RBFOX1: variants seen among roughly 807,000 people sequenced by gnomAD.
RBFOX1 encodes RNA binding fox-1 homolog 1.
Under a neutral mutation model 57.7 loss-of-function variants are expected in RBFOX1, and 8 were observed. The observed-to-expected ratio is 0.14, with a 90% CI of 0.08 to 0.25. The LOEUF is 0.25. Among genes scored for constraint, RBFOX1 ranks in the 10% least tolerant of loss-of-function variants. The pLI, the probability that RBFOX1 is intolerant of heterozygous loss-of-function variation, is 1.00. For synonymous variants in RBFOX1, 326 were observed against 222.4 expected (o/e 1.47, Z -4.15); for missense variants, 611 against 548.5 (o/e 1.11, Z -1.14).
intron 1 of RBFOX1, among the ~76,000 whole-genome samples, chr16:5,251,537 AT>A (rs2151078916): frequency 6.6e-6 from 1 of 152,332 alleles, no homozygotes; most frequent in African/African-American, 2.4e-5. Flanking sequence ...GACTGGGGCA[AT>A]GGCAGCAGAA....
chr16:5,284,724 C>T (rs1185856559), intron 1 of RBFOX1, among the ~76,000 whole-genome samples: 1 of 129,278 alleles, frequency 7.7e-6, no homozygotes, highest in Non-Finnish European at 1.6e-5. Context: ...TTTTGAAGGA[C>T]AGCTTTGCTG....
chr16:6,481,227 C>G (rs770988661), intron 2 of RBFOX1, among the ~76,000 whole-genome samples: 1 of 152,178 alleles, frequency 6.6e-6, no homozygotes, highest in Admixed American at 6.5e-5. Context: ...AGAAAACAAC[C>G]TTCTCTCTGT....
chr16:5,400,359 C>G (rs2066680718), intron 1 of RBFOX1, among the ~76,000 whole-genome samples: 2 of 152,126 alleles, frequency 1.3e-5, no homozygotes, highest in Admixed American at 6.5e-5. Flanking sequence ...TCCCAAAGTG[C>G]TGGGGTTACA....
At chr16:5,438,479 A>G (rs1427574609) in intron 1 of RBFOX1, among the ~76,000 whole-genome samples, 1 of 152,160 alleles carries the variant, frequency 6.6e-6, no homozygotes, top group Non-Finnish European at 1.5e-5. Flanking sequence ...TTGAGCCTGA[A>G]AGGGCCCAGC....
chr16:6,881,970 G>A (rs2063030268), intron 3 of RBFOX1, among the ~76,000 whole-genome samples: 4 of 152,130 alleles, frequency 2.6e-5, no homozygotes, highest in Non-Finnish European at 5.9e-5. Context: ...ACTTGGTTAT[G>A]GGTTAGACAT....
chr16:7,523,487 A>G (rs1178947878), intron 5 of RBFOX1, among the ~76,000 whole-genome samples: 1 of 152,214 alleles, frequency 6.6e-6, no homozygotes. Flanking sequence ...TCTGCCTTAG[A>G]TAATTCCTAG....
At chr16:7,674,237 T>A (rs966172174) in intron 13 of RBFOX1, among the ~76,000 whole-genome samples, 17 of 152,180 alleles carry the variant, frequency 1.1e-4, no homozygotes, top group African/African-American at 4.1e-4. Context: ...TTTTCCCTAA[T>A]TATTACATGT....
At chr16:5,922,036 T>C (rs1256539059) in intron 4 of RBFOX1, among the ~76,000 whole-genome samples, 6 of 151,866 alleles carry the variant, frequency 4.0e-5, no homozygotes, top group Non-Finnish European at 8.8e-5. Flanking sequence ...TGATGTACTC[T>C]TGTGGTCTCA....
chr16:7,605,075 C>T (rs934273181), intron 9 of RBFOX1, among the ~76,000 whole-genome samples: 2 of 152,080 alleles, frequency 1.3e-5, no homozygotes, highest in African/African-American at 2.4e-5. Flanking sequence ...ATGTCTGCAG[C>T]TTTATTTTCA....
At chr16:7,564,539 TCAAAAAAAAAAAAAAA>T in intron 5 of RBFOX1, among the ~76,000 whole-genome samples, 2 of 13,388 alleles carry the variant, frequency 1.5e-4, no homozygotes, top group Admixed American at 1.1e-3. Context: ...AGACTCCATC[TCAAAAAAAAAAAAAAA>T]AAAAAAAAAA....
intron 1 of RBFOX1, among the ~76,000 whole-genome samples, chr16:5,402,453 A>T (rs186896800): frequency 6.6e-6 from 1 of 152,130 alleles, no homozygotes; most frequent in Non-Finnish European, 1.5e-5. Flanking sequence ...CCCATTTTCT[A>T]TTCTTCCCTG....
intron 2 of RBFOX1, among the ~76,000 whole-genome samples, chr16:6,392,884 C>T (rs7195826): frequency 0.44 from 67,107 of 152,086 alleles, 15,559 homozygotes; most frequent in South Asian, 0.68. Flanking sequence ...TTTTATCAGA[C>T]GCAACACCAG....
At chr16:6,964,650 A>G (rs2083714977) in intron 3 of RBFOX1, among the ~76,000 whole-genome samples, 2 of 152,182 alleles carry the variant, frequency 1.3e-5, no homozygotes, top group Admixed American at 6.5e-5. Context: ...ATAAAAATAC[A>G]TTTTGACAAA....
intron 3 of RBFOX1, among the ~76,000 whole-genome samples, chr16:5,649,942 A>G (rs1180994863): frequency 1.3e-5 from 2 of 152,176 alleles, no homozygotes; most frequent in African/African-American, 2.4e-5. Context: ...GTTCGCAAGA[A>G]TCGCCTCCCG....
At chr16:7,076,727 T>C (rs1567171312) in intron 4 of RBFOX1, among the ~76,000 whole-genome samples, 1 of 152,200 alleles carries the variant, frequency 6.6e-6, no homozygotes, top group African/African-American at 2.4e-5. Flanking sequence ...AACCAAGATG[T>C]TCACTCGTAA....
At chr16:7,290,802 T>G (rs1284686849) in intron 4 of RBFOX1, among the ~76,000 whole-genome samples, 3 of 152,196 alleles carry the variant, frequency 2.0e-5, no homozygotes, top group African/African-American at 4.8e-5. Context: ...TAACACTCGC[T>G]GTAATGTTTA....
intron 4 of RBFOX1, among the ~76,000 whole-genome samples, chr16:5,932,216 A>G (rs1484818405): frequency 1.3e-5 from 2 of 152,176 alleles, no homozygotes; most frequent in Non-Finnish European, 2.9e-5. Flanking sequence ...AAAAAGAGGA[A>G]GTTAGAGATC....
At chr16:5,850,879 G>C (rs1213655192) in intron 3 of RBFOX1, among the ~76,000 whole-genome samples, 1 of 152,232 alleles carries the variant, frequency 6.6e-6, no homozygotes, top group Non-Finnish European at 1.5e-5. Context: ...TGGGAGAAGT[G>C]ATGAAGGATG....
At chr16:6,369,191 C>T (rs1250820533) in intron 2 of RBFOX1, among the ~76,000 whole-genome samples, 2 of 152,136 alleles carry the variant, frequency 1.3e-5, no homozygotes, top group Non-Finnish European at 2.9e-5. Flanking sequence ...GCAGATACAT[C>T]TTGTATTAAG....
Sources: gnomAD v4.1 joint callset for allele counts (sites outside exome capture counted in the v4.1 genomes callset) on GRCh38, gnomAD v4.1.1 for gene constraint, MANE v1.5 for transcripts, NCBI Gene and HGNC (gene_info 2026-07-23, HGNC 2026-07-21) for gene names.